TRHDE: variants seen among roughly 807,000 people sequenced by gnomAD.
The protein encoded by TRHDE is thyrotropin-releasing hormone-degrading ectoenzyme.
A neutral mutation model predicts 125.7 loss-of-function variants in TRHDE; 72 were observed. The ratio of observed to expected loss-of-function variants is 0.57; its 90% CI spans 0.47 to 0.70. The LOEUF (loss-of-function observed/expected upper bound fraction) is 0.70, where lower values mean the gene tolerates loss of function less well. Ranked by LOEUF, TRHDE falls within the 30% of genes least tolerant of loss-of-function variation. The pLI is 0.00. For synonymous variants in TRHDE, 509 were observed against 509.1 expected (o/e 1.00, Z 0.00); for missense variants, 1,110 against 1,327.1 (o/e 0.84, Z 2.54).
intron 9 of TRHDE, among the ~76,000 whole-genome samples, chr12:72,564,687 A>G (rs893239945): frequency 6.2e-5 from 1 of 16,074 alleles, no homozygotes; most frequent in African/African-American, 1.1e-4. Context: ...TTTTTTTTTG[A>G]GACGGAGTCT....
chr12:72,471,073 C>T (rs146771519), intron 4 of TRHDE, among the ~76,000 whole-genome samples: 343 of 151,910 alleles, frequency 2.3e-3, no homozygotes, highest in African/African-American at 7.9e-3. Context: ...GACGGGGTTT[C>T]ACCATCTTGG....
intron 6 of TRHDE, among the ~76,000 whole-genome samples, chr12:72,531,078 C>T (rs1433530171): frequency 2.0e-5 from 3 of 152,016 alleles, no homozygotes; most frequent in Non-Finnish European, 4.4e-5. Context: ...GTACACACTC[C>T]CACCAGAGAG....
chr12:72,582,330 T>TA (rs1203111616), intron 12 of TRHDE: 7 of 985,134 alleles, frequency 7.1e-6, no homozygotes, highest in Non-Finnish European at 8.4e-6. Context: ...TTCAAAAACT[T>TA]ACAGATTTTT....
At chr12:72,150,873 CTT>C in intron 2 of TRHDE, among the ~76,000 whole-genome samples, 1 of 152,210 alleles carries the variant, frequency 6.6e-6, no homozygotes, top group East Asian at 1.9e-4. Flanking sequence ...GTGCATGTGT[CTT>C]TATAGCAGCA....
At position 72,238,302 on chromosome 12, in the gene TRHDE, A is replaced by ATATATATATATATATATATATACACAT; in HGVS notation, n.279+132570_279+132571insTACACATTATATATATATATATATATA. ...TATATATATATATATATATATATAT[A>ATATATATATATATATATATATACACAT]TATATATATATATATATATACATAT... On this transcript the variant is annotated intron_variant and non_coding_transcript_variant, in intron 2 of 4. Transcript: ENST00000548156. 5.5e-5 allele frequency among the ~76,000 whole-genome samples: 2 copies of ATATATATATATATATATATATACACAT among 36,232 alleles called. 1 individual carries two copies. The highest frequency in any genetic ancestry group is 1.9e-3 in the South Asian group (2 of 1,038). 23.8% of individuals were successfully genotyped at this position (36,232 alleles called of 152,430 possible). A position where few individuals can be genotyped will look rare whatever the true frequency, so the allele number is the denominator to read the frequency against.
chr12:72,221,962 A>AG (rs1878009933), intron 2 of TRHDE, among the ~76,000 whole-genome samples: 2 of 152,060 alleles, frequency 1.3e-5, no homozygotes, highest in Admixed American at 1.3e-4. Flanking sequence ...GTGTAGTGTC[A>AG]GGGCCTCTTC....
At chr12:72,432,616 A>G (rs1309382548) in intron 3 of TRHDE, among the ~76,000 whole-genome samples, 1 of 152,116 alleles carries the variant, frequency 6.6e-6, no homozygotes, top group East Asian at 1.9e-4. Flanking sequence ...CCCATCCCCC[A>G]CAGCAGACAT....
At chr12:72,157,160 T>A (rs1467316204) in intron 2 of TRHDE, among the ~76,000 whole-genome samples, 1 of 151,014 alleles carries the variant, frequency 6.6e-6, no homozygotes, top group Non-Finnish European at 1.5e-5. Context: ...CAGGCTGGAG[T>A]GCAGTGGCGT....
At chr12:72,248,246 C>T (rs896100595) in intron 2 of TRHDE, among the ~76,000 whole-genome samples, 1 of 151,884 alleles carries the variant, frequency 6.6e-6, no homozygotes, top group Non-Finnish European at 1.5e-5. Flanking sequence ...GGTGAAACCC[C>T]GTCTCTACTA....
chr12:72,600,644 G>T (rs1280036110), intron 12 of TRHDE, among the ~76,000 whole-genome samples: 1 of 151,892 alleles, frequency 6.6e-6, no homozygotes, highest in Non-Finnish European at 1.5e-5. Context: ...GAGTCTTTTG[G>T]CAGAGTCTTT....
chr12:72,251,591 A>G (rs1878684583), intron 2 of TRHDE, among the ~76,000 whole-genome samples: 1 of 152,074 alleles, frequency 6.6e-6, no homozygotes, highest in Non-Finnish European at 1.5e-5. Context: ...GACGGTTCCA[A>G]TTTTTGGCTA....
At chr12:72,119,928 T>C (rs1172507957) in intron 2 of TRHDE, among the ~76,000 whole-genome samples, 1 of 152,184 alleles carries the variant, frequency 6.6e-6, no homozygotes, top group African/African-American at 2.4e-5. Context: ...ATAGGTGAAG[T>C]ATGTTTCTTG....
chr12:72,592,764 G>A (rs980034001), intron 12 of TRHDE, among the ~76,000 whole-genome samples: 3 of 150,658 alleles, frequency 2.0e-5, no homozygotes, highest in Non-Finnish European at 2.9e-5. Flanking sequence ...AGGCTGAAGT[G>A]CAGTGGTGCG....
At position 72,534,712 on chromosome 12, in the gene TRHDE, T is replaced by C. The variant is rs991783451; in HGVS notation, c.1723-7579T>C. On this transcript the variant is annotated intron_variant, in intron 6 of 18. Coordinates refer to ENST00000261180, the MANE Select transcript of TRHDE (RefSeq NM_013381.3). The stretch of plus-strand genomic sequence containing the variant: ...CTAAGAAAAATTTTGATGGAAATAT[T>C]ATTATCATTATCATTATTATTAATG... Among the ~76,000 whole-genome samples the C allele has an allele frequency of 6.6e-4, 100 of 152,248 alleles. 1 individual carries two copies. The highest frequency in any genetic ancestry group is 2.3e-3 in the African/African-American group (96 of 41,550).
intron 2 of TRHDE, among the ~76,000 whole-genome samples, chr12:72,128,623 T>C (rs1476344920): frequency 3.3e-5 from 5 of 152,176 alleles, no homozygotes. Flanking sequence ...AAAACTAAAA[T>C]GTGTGGAATT....
chr12:72,604,052 A>T (rs1244289077), intron 12 of TRHDE, among the ~76,000 whole-genome samples: 2 of 152,212 alleles, frequency 1.3e-5, no homozygotes, highest in Non-Finnish European at 2.9e-5. Flanking sequence ...CAAAGATAAA[A>T]AAAAAGAACA....
intron 3 of TRHDE, among the ~76,000 whole-genome samples, chr12:72,451,820 CTTTT>C (rs1357928920): frequency 1.3e-5 from 2 of 151,300 alleles, no homozygotes; most frequent in Non-Finnish European, 3.0e-5. Context: ...TTTTTTCTTT[CTTTT>C]TGTTTGTTTT....
chr12:72,604,552 T>C (rs1872350163), intron 12 of TRHDE, among the ~76,000 whole-genome samples: 1 of 152,062 alleles, frequency 6.6e-6, no homozygotes, highest in South Asian at 2.1e-4. Flanking sequence ...GTGGTTCTCT[T>C]ACTGAAGAGA....
At chr12:72,420,150 C>A (rs1873891999) in intron 3 of TRHDE, among the ~76,000 whole-genome samples, 1 of 152,188 alleles carries the variant, frequency 6.6e-6, no homozygotes. Context: ...GAAACACCAT[C>A]TGTAGATTCA....
Sources: allele counts gnomAD v4.1 joint callset (sites outside exome capture counted in the v4.1 genomes callset), GRCh38; gene constraint gnomAD v4.1.1; transcripts MANE v1.5; gene names NCBI Gene and HGNC (gene_info 2026-07-23, HGNC 2026-07-21).